KCNQ5: variants seen among roughly 807,000 people sequenced by gnomAD.
The protein encoded by KCNQ5 is potassium voltage-gated channel subfamily Q member 5.
A neutral mutation model predicts 98.2 loss-of-function variants in KCNQ5; 30 were observed. The observed-to-expected ratio is 0.31, with a 90% CI of 0.23 to 0.41. The LOEUF is 0.41. Among genes scored for constraint, KCNQ5 ranks in the 10% least tolerant of loss-of-function variants. The pLI, the probability that KCNQ5 is intolerant of heterozygous loss-of-function variation, is 1.00. For missense variants in KCNQ5, 835 were observed against 1,182.5 expected (o/e 0.71, Z 4.31); for synonymous variants, 458 against 449.4 (o/e 1.02, Z -0.24).
intron 1 of KCNQ5, among the ~76,000 whole-genome samples, chr6:72,740,374 G>A (rs190190587): frequency 2.6e-5 from 4 of 152,186 alleles, no homozygotes; most frequent in Admixed American, 6.5e-5. Flanking sequence ...GTGGCTGTCC[G>A]GTTCAGTTTG....
intron 3 of KCNQ5, among the ~76,000 whole-genome samples, chr6:73,060,724 G>A (rs1042217155): frequency 7.9e-5 from 12 of 152,056 alleles, no homozygotes; most frequent in African/African-American, 2.9e-4. Flanking sequence ...AAAATAAAAT[G>A]GATATGAACA....
intron 5 of KCNQ5, among the ~76,000 whole-genome samples, chr6:73,103,061 A>G (rs1774853910): frequency 6.6e-6 from 1 of 152,232 alleles, no homozygotes; most frequent in Non-Finnish European, 1.5e-5. Context: ...CCAAGCATCC[A>G]TCAACAGACA....
intron 1 of KCNQ5, among the ~76,000 whole-genome samples, chr6:72,636,719 A>G (rs1582020044): frequency 6.6e-6 from 1 of 152,238 alleles, no homozygotes; most frequent in African/African-American, 2.4e-5. Context: ...AGTAGGAACT[A>G]TAGGGCTTAA....
At chr6:72,777,168 A>C (rs1773200302) in intron 1 of KCNQ5, among the ~76,000 whole-genome samples, 1 of 152,214 alleles carries the variant, frequency 6.6e-6, no homozygotes, top group Admixed American at 6.5e-5. Flanking sequence ...AGTCTTTATC[A>C]TGTAAGAAAT....
chr6:72,853,478 G>C (rs1023359059), intron 1 of KCNQ5, among the ~76,000 whole-genome samples: 1 of 152,052 alleles, frequency 6.6e-6, no homozygotes, highest in African/African-American at 2.4e-5. Flanking sequence ...CGAGAAGCTG[G>C]GACTACAGGC....
intron 1 of KCNQ5, among the ~76,000 whole-genome samples, chr6:72,755,777 T>G (rs918390503): frequency 2.6e-5 from 4 of 152,244 alleles, no homozygotes; most frequent in African/African-American, 9.6e-5. Flanking sequence ...TATATGTACC[T>G]TTATTTCTAT....
At chr6:73,154,685 A>G (rs1282518681) in intron 10 of KCNQ5, among the ~76,000 whole-genome samples, 1 of 152,198 alleles carries the variant, frequency 6.6e-6, no homozygotes, top group African/African-American at 2.4e-5. Context: ...AGCATACTAT[A>G]TTTATTCAAC....
chr6:73,058,115 C>T (rs966317409), intron 3 of KCNQ5, among the ~76,000 whole-genome samples: 6 of 152,116 alleles, frequency 3.9e-5, no homozygotes, highest in African/African-American at 1.4e-4. Flanking sequence ...AAGGCTTAAA[C>T]ATAAAACCTA....
chr6:73,141,422 C>T (rs538464467), intron 10 of KCNQ5, among the ~76,000 whole-genome samples: 7 of 152,230 alleles, frequency 4.6e-5, no homozygotes, highest in African/African-American at 7.2e-5. Context: ...TTTTTAGTGA[C>T]GGGGAAATGC....
At position 73,106,521 on chromosome 6, in the gene KCNQ5, G is replaced by C. The variant is rs6921424; in HGVS notation, c.1029+1154G>C. Among the ~76,000 whole-genome samples, 335 of 152,316 alleles carry C rather than the reference G, an allele frequency of 2.2e-3. 1 individual carries two copies. Among genetic ancestry groups the C allele is most frequent in the African/African-American group, 7.3e-3 (304 of 41,578 alleles). ...TTGAGAAACCACGAGAGCCATGAGA[G>C]AAAGAACTGTTCCAGGCCTCTCTTC... is the stretch of plus-strand genomic sequence containing the variant. On this transcript the variant is annotated intron_variant, in intron 6 of 13. Transcript: ENST00000370398.
chr6:72,890,173 A>G (rs1250036013), intron 1 of KCNQ5, among the ~76,000 whole-genome samples: 2 of 152,206 alleles, frequency 1.3e-5, no homozygotes, highest in Admixed American at 6.5e-5. Flanking sequence ...ATACATTTTG[A>G]TGGGTTTGGA....
Position 73,004,431 on chromosome 6 carries a change from C to T in KCNQ5, c.489+433C>T, listed in dbSNP as rs1270249748. ...TTGGCCAAGAACTATGAACATATGG[C>T]ACCTCATAAGAAAATAGAAGGCTCC... On this transcript the variant is annotated intron_variant, in intron 2 of 13. Transcript: ENST00000370398. Among the ~76,000 whole-genome samples the T allele has an allele frequency of 3.3e-5, 5 of 152,102 alleles. No individual in the cohort carries two copies. In the East Asian group the frequency reaches 9.6e-4, roughly 29 times the overall value.
In KCNQ5 at chr6:73,178,490, T is replaced by A. The variant is rs191229431; in HGVS notation, c.1577+8636T>A. Among the ~76,000 whole-genome samples, 181 of 147,032 alleles carry A rather than the reference T, an allele frequency of 1.2e-3. 2 individuals carry two copies. The highest frequency in any genetic ancestry group is 2.1e-3 in the Non-Finnish European group (140 of 66,894). Reference sequence around the variant, plus strand: ...AGATCCTGCATATAAAGGACAATAATGGCAAGCATTAGGAGAACAAGTCTA... The same window carrying A: ...AGATCCTGCATATAAAGGACAATAAAGGCAAGCATTAGGAGAACAAGTCTA... On this transcript the variant is annotated intron_variant, in intron 11 of 13. Transcript: ENST00000370398.
chr6:72,690,209 T>G (rs1189364430), intron 1 of KCNQ5, among the ~76,000 whole-genome samples: 2 of 152,050 alleles, frequency 1.3e-5, no homozygotes, highest in Non-Finnish European at 2.9e-5. Flanking sequence ...AAGCCAGAGG[T>G]TGCAGTGAGC....
At chr6:72,757,383 G>GACT (rs1772025008) in intron 1 of KCNQ5, among the ~76,000 whole-genome samples, 2 of 152,124 alleles carry the variant, frequency 1.3e-5, no homozygotes, top group African/African-American at 4.8e-5. Context: ...TTATGATGGG[G>GACT]TTATGTCCAG....
intron 1 of KCNQ5, among the ~76,000 whole-genome samples, chr6:72,866,455 A>T (rs905452445): frequency 7.3e-5 from 11 of 151,472 alleles, no homozygotes. Context: ...GGGTTTCACA[A>T]TGTTGCCCAG....
Position 72,622,132 on chromosome 6 carries a change from A to G in KCNQ5, c.-58A>G. 1 of 1,202,290 alleles carries G rather than the reference A, an allele frequency of 8.3e-7. No individual in the cohort carries two copies. Among genetic ancestry groups the G allele is most frequent in the East Asian group, 3.4e-5 (1 of 29,608 alleles). The allele number at this position is 1,202,290 out of a possible 1,614,324, so 74.5% of individuals were successfully genotyped here. A position where few individuals can be genotyped will look rare whatever the true frequency, so the allele number is the denominator to read the frequency against. ...TCCTTGAAACCCGCCGGCGCACATGAGGCCGCTGCCCCCGCCGCAGGCGCT... is the reference window on the plus strand; with the variant it reads ...TCCTTGAAACCCGCCGGCGCACATGGGGCCGCTGCCCCCGCCGCAGGCGCT... On this transcript the variant is annotated 5_prime_UTR_variant, in exon 1 of 14. Transcript: ENST00000370398. The surrounding 1 kb of genome is among the most constrained non-coding windows in gnomAD (Gnocchi z 6.0).
chr6:72,816,064 G>A (rs924123046), intron 1 of KCNQ5, among the ~76,000 whole-genome samples: 1 of 149,890 alleles, frequency 6.7e-6, no homozygotes, highest in Non-Finnish European at 1.5e-5. Context: ...CAGAGCAAGA[G>A]CACACAAACA....
rs551627905 is a variant in KCNQ5, at chr6:73,172,054, T to G, written c.1577+2200T>G. ...TATTCTTCTTGAAACTTGACTGATTTTTGTGAAGTCTTTGCAGAATTCCCT... is the reference window on the plus strand; with the variant it reads ...TATTCTTCTTGAAACTTGACTGATTGTTGTGAAGTCTTTGCAGAATTCCCT... On this transcript the variant is annotated intron_variant, in intron 11 of 13. Coordinates refer to ENST00000370398, the MANE Select transcript of KCNQ5 (RefSeq NM_019842.4). Among the ~76,000 whole-genome samples the G allele has an allele frequency of 8.8e-4, 134 of 152,364 alleles. 1 individual carries two copies. Among genetic ancestry groups the G allele is most frequent in the African/African-American group, 3.0e-3 (125 of 41,582 alleles).
Sources: allele counts gnomAD v4.1 joint callset (sites outside exome capture counted in the v4.1 genomes callset), GRCh38; gene constraint gnomAD v4.1.1; non-coding constraint Gnocchi (gnomAD v3.1); transcripts MANE v1.5; gene names NCBI Gene and HGNC (gene_info 2026-07-23, HGNC 2026-07-21).